The following KALRN variants were observed in gnomAD, a reference collection of about 807,000 sequenced individuals.
KALRN encodes the protein kalirin.
A neutral mutation model predicts 353.7 loss-of-function variants in KALRN; 70 were observed. That is an observed-to-expected ratio of 0.20 (90% confidence interval 0.16 to 0.24). The LOEUF (loss-of-function observed/expected upper bound fraction) is 0.24, where lower values mean the gene tolerates loss of function less well. KALRN is among the 10% of genes least tolerant of loss of function. The pLI is 1.00. For missense variants in KALRN, 2,791 were observed against 3,756.7 expected, an observed-to-expected ratio of 0.74 and a Z score of 6.72; for synonymous variants, 1,391 against 1,434.8, an observed-to-expected ratio of 0.97 and a Z score of 0.69.
chr3:124,113,897 C>T (rs2063223683), intron 1 of KALRN, among the ~76,000 whole-genome samples: 1 of 152,202 alleles, frequency 6.6e-6, no homozygotes, highest in Non-Finnish European at 1.5e-5. Flanking sequence ...TTCAGAAACC[C>T]GTTCTTATCA....
chr3:124,672,579 T>C (rs2086597885), intron 48 of KALRN, among the ~76,000 whole-genome samples: 1 of 152,202 alleles, frequency 6.6e-6, no homozygotes, highest in African/African-American at 2.4e-5. Context: ...ATCATCAGTG[T>C]GTGAATGGGA....
chr3:124,383,923 A>G (rs984176608), intron 10 of KALRN, among the ~76,000 whole-genome samples: 1 of 151,984 alleles, frequency 6.6e-6, no homozygotes, highest in Non-Finnish European at 1.5e-5. Flanking sequence ...CTTGTTCGCC[A>G]CTCTAGAGTT....
intron 5 of KALRN, among the ~76,000 whole-genome samples, chr3:124,270,713 T>C (rs2074042010): frequency 6.6e-6 from 1 of 152,246 alleles, no homozygotes; most frequent in Non-Finnish European, 1.5e-5. Context: ...ATTCCTGCAT[T>C]GCTCACCGAG....
chr3:124,117,582 T>C (rs977473981), intron 1 of KALRN, among the ~76,000 whole-genome samples: 8 of 152,132 alleles, frequency 5.3e-5, no homozygotes, highest in Admixed American at 2.0e-4. Flanking sequence ...ACTCTTGTGT[T>C]AATTTAAGAT....
At chr3:124,568,439 G>A (rs1386558984) in intron 34 of KALRN, among the ~76,000 whole-genome samples, 1 of 152,188 alleles carries the variant, frequency 6.6e-6, no homozygotes, top group Non-Finnish European at 1.5e-5. Flanking sequence ...ATGGAAAACA[G>A]TATGGGATTC....
At chr3:124,266,413 A>G (rs895145131) in intron 4 of KALRN, among the ~76,000 whole-genome samples, 3 of 152,302 alleles carry the variant, frequency 2.0e-5, no homozygotes, top group African/African-American at 7.2e-5. Context: ...TACTTTCATA[A>G]TCAAGGAAAA....
chr3:124,107,508 A>G (rs1469206034), intron 1 of KALRN, among the ~76,000 whole-genome samples: 1 of 152,058 alleles, frequency 6.6e-6, no homozygotes, highest in African/African-American at 2.4e-5. Flanking sequence ...ACTTTTCCCC[A>G]CCAACCTGGC....
intron 1 of KALRN, among the ~76,000 whole-genome samples, chr3:124,086,100 T>C (rs1010641320): frequency 3.9e-5 from 6 of 152,216 alleles, no homozygotes; most frequent in African/African-American, 1.4e-4. Context: ...TAGTTCCTTA[T>C]TGTGGGACAT....
At chr3:124,650,383 T>C (rs1472371628) in intron 37 of KALRN, among the ~76,000 whole-genome samples, 7 of 152,218 alleles carry the variant, frequency 4.6e-5, no homozygotes, top group Admixed American at 4.6e-4. Flanking sequence ...ACATAAATCA[T>C]TCAGTGACTA....
intron 34 of KALRN, among the ~76,000 whole-genome samples, chr3:124,586,480 T>C (rs892743856): frequency 6.6e-6 from 1 of 152,172 alleles, no homozygotes; most frequent in Non-Finnish European, 1.5e-5. Flanking sequence ...TTGCTGGCCC[T>C]TGCTTTGTTG....
Position 124,632,562 on chromosome 3 carries a change from TC to T in KALRN, c.5327del (p.Pro1776LeufsTer69). The T allele has an allele frequency of 6.2e-7, 1 of 1,614,094 alleles. No homozygotes were observed. The highest frequency in any genetic ancestry group is 8.5e-7 in the Non-Finnish European group (1 of 1,180,022). On this transcript the variant is annotated frameshift_variant, in exon 35 of 60. Coordinates refer to ENST00000682506, the MANE Select transcript of KALRN (RefSeq NM_001388419.1). LOFTEE classifies it high-confidence loss of function. ...ACACTCTTAAGAAGTGGCTGACGAGTCCTGTGCGTCGGCTTAACAGCGGGAA... is the reference window on the plus strand; with the variant it reads ...ACACTCTTAAGAAGTGGCTGACGAGTCTGTGCGTCGGCTTAACAGCGGGAA... ...TNTLKKWLTS[P>X]VRRLNSGKAD...
intron 51 of KALRN, among the ~76,000 whole-genome samples, chr3:124,681,187 G>A (rs895267253): frequency 1.3e-5 from 2 of 152,138 alleles, no homozygotes; most frequent in African/African-American, 4.8e-5. Context: ...AGGGATGTGG[G>A]GCCAGGGGAG....
intron 1 of KALRN, among the ~76,000 whole-genome samples, chr3:124,207,256 C>T (rs1251342801): frequency 6.6e-6 from 1 of 152,204 alleles, no homozygotes; most frequent in Admixed American, 6.5e-5. Flanking sequence ...CATAGACATC[C>T]TTCCCTCCTT....
chr3:124,569,174 C>T (rs1321790018), intron 34 of KALRN, among the ~76,000 whole-genome samples: 1 of 152,152 alleles, frequency 6.6e-6, no homozygotes, highest in Non-Finnish European at 1.5e-5. Flanking sequence ...AGGCTTCCCC[C>T]GTGAGCCTCA....
At chr3:124,183,764 A>T (rs2073899378) in intron 1 of KALRN, among the ~76,000 whole-genome samples, 1 of 152,166 alleles carries the variant, frequency 6.6e-6, no homozygotes, top group African/African-American at 2.4e-5. Flanking sequence ...CCAGTCTGTG[A>T]TATTTTGTTA....
chr3:124,509,556 A>G (rs1003948715), intron 33 of KALRN, among the ~76,000 whole-genome samples: 1 of 152,236 alleles, frequency 6.6e-6, no homozygotes, highest in Non-Finnish European at 1.5e-5. Flanking sequence ...TCCACAGAAT[A>G]GTGTACCAAC....
At chr3:124,246,186 C>A (rs898027003) in intron 3 of KALRN, among the ~76,000 whole-genome samples, 1 of 152,232 alleles carries the variant, frequency 6.6e-6, no homozygotes, top group African/African-American at 2.4e-5. Flanking sequence ...ATTTCCTATT[C>A]TTTGCATTTC....
intron 14 of KALRN, 22 bp downstream of exon 14, chr3:124,413,687 C>T (rs765453045): frequency 6.3e-6 from 10 of 1,599,478 alleles, no homozygotes. Context: ...CGCTCATTCT[C>T]CTGGCAGAGG....
chr3:124,514,234 A>G (rs1466474136), intron 33 of KALRN, among the ~76,000 whole-genome samples: 1 of 152,174 alleles, frequency 6.6e-6, no homozygotes, highest in Non-Finnish European at 1.5e-5. Flanking sequence ...GTATTCACAG[A>G]GTTCCTCTGT....
Sources: gnomAD v4.1 joint callset for allele counts (sites outside exome capture counted in the v4.1 genomes callset) on GRCh38, gnomAD v4.1.1 for gene constraint, MANE v1.5 for transcripts, NCBI Gene and HGNC (gene_info 2026-07-23, HGNC 2026-07-21) for gene names.